The following JMY variants were observed in gnomAD, a reference collection of about 807,000 sequenced individuals.
JMY encodes junction mediating and regulatory protein, p53 cofactor, also known as junction-mediating and -regulatory protein.
JMY carries 46 observed loss-of-function variants against 103.3 expected under a neutral mutation model. That is an observed-to-expected ratio of 0.45 (90% confidence interval 0.35 to 0.57). The LOEUF is 0.57. Among genes scored for constraint, JMY ranks in the 20% least tolerant of loss-of-function variants. The pLI, the probability that JMY is intolerant of heterozygous loss-of-function variation, is 0.00. For missense variants in JMY, 1,238 were observed against 1,255.2 expected, an observed-to-expected ratio of 0.99 and a Z score of 0.21; for synonymous variants, 526 against 489.3, an observed-to-expected ratio of 1.07 and a Z score of -0.99.
intron 6 of JMY, among the ~76,000 whole-genome samples, chr5:79,301,720 T>C (rs1043586966): frequency 1.3e-5 from 2 of 152,134 alleles, no homozygotes; most frequent in African/African-American, 4.8e-5. Flanking sequence ...CCCGTGACAG[T>C]GGTAATTGAA....
In JMY at chr5:79,236,557, G is replaced by T; in HGVS notation, c.-94G>T. The T allele has an allele frequency of 1.9e-6, 2 of 1,065,966 alleles. No homozygotes were observed. Among genetic ancestry groups the T allele is most frequent in the Non-Finnish European group, 2.5e-6 (2 of 815,818 alleles). The allele number at this position is 1,065,966 out of a possible 1,614,324, so 66.0% of individuals were successfully genotyped here. A position where few individuals can be genotyped will look rare whatever the true frequency, so the allele number is the denominator to read the frequency against. On this transcript the variant is annotated 5_prime_UTR_variant, in exon 1 of 11. Transcript: ENST00000396137. ...GCACTAAGATGGCTGAAGGCGCCCGGCGAGGGTGAGCGGGGGGCGCGGCGC... is the reference window on the plus strand; with the variant it reads ...GCACTAAGATGGCTGAAGGCGCCCGTCGAGGGTGAGCGGGGGGCGCGGCGC...
chr5:79,275,383 G>C (rs1485200984), intron 1 of JMY, among the ~76,000 whole-genome samples: 2 of 151,918 alleles, frequency 1.3e-5, no homozygotes, highest in Admixed American at 6.6e-5. Flanking sequence ...GGATGTTGTC[G>C]ATCTCCTGAC....
chr5:79,323,064 A>AACT lies in JMY; in HGVS notation c.*1463_*1465dup, dbSNP rs1491417369. 6.6e-6 allele frequency: 1 copy of AACT among 151,568 alleles called. No individual in the cohort carries two copies. Among genetic ancestry groups the AACT allele is most frequent in the Non-Finnish European group, 1.5e-5 (1 of 67,930 alleles). 9.4% of individuals were successfully genotyped at this position (151,568 alleles called of 1,614,324 possible). On this transcript the variant is annotated 3_prime_UTR_variant, in exon 11 of 11. Coordinates refer to ENST00000396137, the MANE Select transcript of JMY (RefSeq NM_152405.5). Reference sequence around the variant, plus strand: ...CTGGCAACAGGTTATGTAAGACAACAACTTTTTTTATTATTTCAAAACAAA... The same window carrying AACT: ...CTGGCAACAGGTTATGTAAGACAACAACTACTTTTTTTATTATTTCAAAACAAA...
At chr5:79,245,450 G>T (rs1006007146) in intron 1 of JMY, among the ~76,000 whole-genome samples, 1 of 151,910 alleles carries the variant, frequency 6.6e-6, no homozygotes, top group Admixed American at 6.6e-5. Context: ...GATATGGCTC[G>T]GGAAAAATCT....
rs182399680 is a variant in JMY, at chr5:79,284,729, C to T, written c.1207-5392C>T. ...GCAAGACTCACTTCAAACACACGAC[C>T]CTTGAGACCATCAGATGCAATTTTG... is the stretch of plus-strand genomic sequence containing the variant. On this transcript the variant is annotated intron_variant, in intron 2 of 10. Transcript: ENST00000396137. The T allele has an allele frequency of 2.5e-6, 4 of 1,590,944 alleles. No homozygotes were observed. The East Asian group carries it at 8.9e-5, about 35-fold the overall frequency.
rs1392853021 is a variant in JMY at position 79,270,566 on chromosome 5, T to A, written c.1033-7344T>A. 1.4e-3 allele frequency among the ~76,000 whole-genome samples: 178 copies of A among 128,082 alleles called. 6 individuals carry two copies. Among genetic ancestry groups the A allele is most frequent in the Non-Finnish European group, 1.9e-3 (118 of 61,058 alleles). 84.0% of individuals were successfully genotyped at this position (128,082 alleles called of 152,430 possible). On this transcript the variant is annotated intron_variant, in intron 1 of 10. Transcript: ENST00000396137. The stretch of plus-strand genomic sequence containing the variant: ...TTAAAATGTATATTTACATAAATAT[T>A]TAAAATGTATATTTACATAAATATT...
chr5:79,246,894 G>T (rs879267366), intron 1 of JMY, among the ~76,000 whole-genome samples: 1 of 151,524 alleles, frequency 6.6e-6, no homozygotes, highest in Non-Finnish European at 1.5e-5. Flanking sequence ...AAAAAAAAAA[G>T]TATGCTATAA....
At chr5:79,260,205 C>T (rs775695455) in intron 1 of JMY, among the ~76,000 whole-genome samples, 6 of 152,290 alleles carry the variant, frequency 3.9e-5, no homozygotes, top group East Asian at 1.9e-4. Context: ...CCTTGGGATG[C>T]GGTAGGAAGC....
rs1747531520 is a variant in JMY at position 79,323,548 on chromosome 5, T to TATC, written c.*1948_*1950dup. 2 of 152,240 alleles carry TATC rather than the reference T, an allele frequency of 1.3e-5. No homozygotes were observed. The highest frequency in any genetic ancestry group is 6.5e-5 in the Admixed American group (1 of 15,280). 9.4% of individuals were successfully genotyped at this position (152,240 alleles called of 1,614,324 possible). A position where few individuals can be genotyped will look rare whatever the true frequency, so the allele number is the denominator to read the frequency against. The stretch of plus-strand genomic sequence containing the variant: ...ATTTGCAAACCTTTACAAAATCATG[T>TATC]ATCAATTTTATGCTATCCAGTTTTT... On this transcript the variant is annotated 3_prime_UTR_variant, in exon 11 of 11. Transcript: ENST00000396137.
At chr5:79,318,741 AATATATAT>A (rs71830021) in intron 10 of JMY, among the ~76,000 whole-genome samples, 4,348 of 134,806 alleles carry the variant, frequency 0.032, 221 homozygotes, top group African/African-American at 0.1. Flanking sequence ...TTTGTAAAGG[AATATATAT>A]ATATATATAT....
At chr5:79,318,786 AGAGAGAGAGAGAGAGAGG>A (rs370708037) in intron 10 of JMY, among the ~76,000 whole-genome samples, 37,090 of 99,282 alleles carry the variant, frequency 0.37, 4,815 homozygotes, top group African/African-American at 0.4. Context: ...AGAGAGAGAG[AGAGAGAGAGAGAGAGAGG>A]GATGCATATC....
chr5:79,307,616 T>C (rs1272216185), intron 7 of JMY, among the ~76,000 whole-genome samples: 1 of 152,142 alleles, frequency 6.6e-6, no homozygotes, highest in African/African-American at 2.4e-5. Flanking sequence ...TTACTGTTGT[T>C]TTAATTTGCA....
At chr5:79,276,262 G>A (rs867692281) in intron 1 of JMY, among the ~76,000 whole-genome samples, 1 of 151,792 alleles carries the variant, frequency 6.6e-6, no homozygotes, top group Non-Finnish European at 1.5e-5. Flanking sequence ...GGGATTATGG[G>A]TGTGTGCCAC....
chr5:79,257,470 A>G (rs999905140), intron 1 of JMY, among the ~76,000 whole-genome samples: 1 of 152,120 alleles, frequency 6.6e-6, no homozygotes, highest in African/African-American at 2.4e-5. Context: ...AGGCATGGTG[A>G]TGTAAGCCTG....
At chr5:79,318,761 T>TAG (rs3081332) in intron 10 of JMY, among the ~76,000 whole-genome samples, 222 of 53,566 alleles carry the variant, frequency 4.1e-3, no homozygotes, top group East Asian at 0.014. Flanking sequence ...TATATATATA[T>TAG]AGAGAGAGAG....
At chr5:79,284,481 T>C in intron 2 of JMY, 1 of 1,587,768 alleles carries the variant, frequency 6.3e-7, no homozygotes, top group East Asian at 2.2e-5. Flanking sequence ...TGTATCTGAT[T>C]GTTGCGTTTT....
At position 79,237,565 on chromosome 5, in the gene JMY, C is replaced by T. The variant is rs1331448959; in HGVS notation, c.915C>T (p.Leu305=). Residue 305 remains leucine, a synonymous_variant, in exon 1 of 11, where the codon CTC becomes CTT. Transcript: ENST00000396137. ...TGGACACCTGCGGCTGGAAGATCCT[C>T]TCCCAGGTGCTCTTCACCGAGACCG... is the stretch of plus-strand genomic sequence containing the variant. ...HGLDTCGWKI[L]SQVLFTETDD... is the part of the protein sequence containing the mutation. 2 of 1,613,594 alleles carry T rather than the reference C, an allele frequency of 1.2e-6. No individual in the cohort carries two copies. Among genetic ancestry groups the T allele is most frequent in the Non-Finnish European group, 1.7e-6 (2 of 1,180,028 alleles).
In JMY at chr5:79,302,438, G is replaced by T. The variant is rs368324482; in HGVS notation, c.1881+1575G>T. Among the ~76,000 whole-genome samples, 40 of 152,248 alleles carry T rather than the reference G, an allele frequency of 2.6e-4. No homozygotes were observed. The East Asian group carries it at 6.9e-3, about 26-fold the overall frequency. ...AACCAGGTGAACAGATGAGTGTTCT[G>T]CCGGCCAAAAACAGCAAGAGCAGGG... On this transcript the variant is annotated intron_variant, in intron 6 of 10. Transcript: ENST00000396137.
intron 1 of JMY, among the ~76,000 whole-genome samples, chr5:79,253,003 T>C (rs1745134498): frequency 6.6e-6 from 1 of 152,092 alleles, no homozygotes; most frequent in African/African-American, 2.4e-5. Flanking sequence ...TCTTCATGTC[T>C]TTTATTGAAG....
Sources: gnomAD v4.1 joint callset for allele counts (sites outside exome capture counted in the v4.1 genomes callset) on GRCh38, gnomAD v4.1.1 for gene constraint, MANE v1.5 for transcripts, NCBI Gene and HGNC (gene_info 2026-07-23, HGNC 2026-07-21) for gene names.